Variants in CSMD3 observed in about 807,000 individuals in gnomAD.
CSMD3 encodes the protein CUB and Sushi multiple domains 3, also known as CUB and sushi domain-containing protein 3.
Under a neutral mutation model 435.2 loss-of-function variants are expected in CSMD3, and 177 were observed. That is an observed-to-expected ratio of 0.41 (90% CI 0.36 to 0.46). The LOEUF (loss-of-function observed/expected upper bound fraction) is 0.46. Among genes scored for constraint, CSMD3 ranks in the 20% least tolerant of loss-of-function variants. The pLI is 0.34. For synonymous variants in CSMD3, 1,656 were observed against 1,520.5 expected (o/e 1.09, Z -2.07); for missense variants, 4,265 against 4,504.6 (o/e 0.95, Z 1.52).
At chr8:112,751,249 T>C (rs1026371865) in intron 13 of CSMD3, among the ~76,000 whole-genome samples, 1 of 152,094 alleles carries the variant, frequency 6.6e-6, no homozygotes, top group African/African-American at 2.4e-5. Context: ...AACAGACTAA[T>C]ACAGTTCCCA....
At chr8:112,838,744 C>G (rs1169277487) in intron 11 of CSMD3, among the ~76,000 whole-genome samples, 4 of 151,568 alleles carry the variant, frequency 2.6e-5, no homozygotes, top group African/African-American at 9.7e-5. Flanking sequence ...AACTTGGCTG[C>G]TTTTGTGGTA....
chr8:113,432,670 A>G (rs368716303), intron 1 of CSMD3, among the ~76,000 whole-genome samples: 8 of 152,124 alleles, frequency 5.3e-5, no homozygotes, highest in African/African-American at 1.7e-4. Flanking sequence ...TGTTTCCCCA[A>G]TGTGCTTTCC....
chr8:112,269,554 T>A (rs551221099), intron 59 of CSMD3, among the ~76,000 whole-genome samples: 1 of 152,282 alleles, frequency 6.6e-6, no homozygotes, highest in African/African-American at 2.4e-5. Context: ...ACTGTTTGTG[T>A]CTTCTTCCCA....
chr8:113,163,824 T>C (rs1424935731), intron 4 of CSMD3, among the ~76,000 whole-genome samples: 1 of 152,064 alleles, frequency 6.6e-6, no homozygotes, highest in Non-Finnish European at 1.5e-5. Flanking sequence ...AATTCTCCAA[T>C]GCAGTTCTCC....
At chr8:113,282,194 C>T (rs187505228) in intron 2 of CSMD3, among the ~76,000 whole-genome samples, 65 of 152,118 alleles carry the variant, frequency 4.3e-4, no homozygotes, top group African/African-American at 1.5e-3. Context: ...CTCACCACTC[C>T]TCTTCAACAT....
Position 112,642,472 on chromosome 8 carries a change from G to T in CSMD3, c.3310+2637C>A, listed in dbSNP as rs187404521. ...CAAACACCTTGACTTAATGTTTAAT[G>T]GTGAAGAGATTACAGATGGTACATA... On this transcript the variant is annotated intron_variant, in intron 20 of 70. Transcript: ENST00000297405. Among the ~76,000 whole-genome samples, 78 of 152,068 alleles carry T rather than the reference G, an allele frequency of 5.1e-4. 1 individual carries two copies. The highest frequency in any genetic ancestry group is 6.8e-3 in the Middle Eastern group (2 of 292).
chr8:113,251,247 GGAGAAACAGA>G (rs1318676287), intron 3 of CSMD3, among the ~76,000 whole-genome samples: 3 of 151,938 alleles, frequency 2.0e-5, no homozygotes, highest in African/African-American at 7.2e-5. Context: ...TCATGATAAT[GGAGAAACAGA>G]GAGAAACAGT....
intron 22 of CSMD3, among the ~76,000 whole-genome samples, chr8:112,601,060 A>G (rs1832312040): frequency 1.3e-5 from 2 of 152,128 alleles, no homozygotes; most frequent in South Asian, 4.1e-4. Context: ...TAAGAAAAAG[A>G]GAGATTCATT....
intron 27 of CSMD3, among the ~76,000 whole-genome samples, chr8:112,533,495 G>A (rs1825740634): frequency 6.6e-6 from 1 of 152,014 alleles, no homozygotes; most frequent in South Asian, 2.1e-4. Context: ...TAGATGGCAA[G>A]TCAAAAAACT....
chr8:112,537,033 G>C (rs1242646101), intron 27 of CSMD3, among the ~76,000 whole-genome samples: 1 of 151,924 alleles, frequency 6.6e-6, no homozygotes, highest in Non-Finnish European at 1.5e-5. Flanking sequence ...GTAGGGGGAA[G>C]GGGGAGGGAT....
rs549888866 is a variant in CSMD3, at chr8:112,321,219, G to A, written c.7166-1238C>T. Among the ~76,000 whole-genome samples, 12 of 152,070 alleles carry A rather than the reference G, an allele frequency of 7.9e-5. No individual in the cohort carries two copies. In the South Asian group the frequency reaches 2.1e-3, roughly 26 times the overall value. On this transcript the variant is annotated intron_variant, in intron 45 of 70. Transcript: ENST00000297405. ...CTTAGAAGTTCTTTATGTACTCAAC[G>A]TGCTGATAAAGAGAATGAGACTCAA... is the stretch of plus-strand genomic sequence containing the variant.
chr8:113,314,672 T>G lies in CSMD3; in HGVS notation c.300A>C (p.Arg100=), dbSNP rs1002951683. The change falls in exon 2 of 71, where the codon CGA becomes CGC. Residue 100 remains arginine, a synonymous_variant. Transcript: ENST00000297405. ...NCTWVIIAEE[R]NRIQIVFQSF... is the part of the protein sequence containing the mutation. The stretch of plus-strand genomic sequence containing the variant: ...ACTGAAAAACAATTTGTATTCTATT[T>G]CGTTCTTCTGCTATTATTACCCATG... 6.2e-7 allele frequency: 1 copy of G among 1,611,560 alleles called. No individual in the cohort carries two copies. The highest frequency in any genetic ancestry group is 8.5e-7 in the Non-Finnish European group (1 of 1,177,884).
In CSMD3 at chr8:112,847,858, G is replaced by A. The variant is rs542955443; in HGVS notation, c.1755+11287C>T. On this transcript the variant is annotated intron_variant, in intron 11 of 70. Transcript: ENST00000297405. ...GTATTCTGATGCCTGAAGACTTTAT[G>A]GGGAGGAAGATTAAGATTGTATTTA... Among the ~76,000 whole-genome samples the A allele has an allele frequency of 1.7e-3, 260 of 152,228 alleles. 5 individuals carry two copies. In the Middle Eastern group the frequency reaches 0.041, roughly 24 times the overall value.
chr8:112,266,660 T>C (rs1485009700), intron 59 of CSMD3, among the ~76,000 whole-genome samples: 2 of 152,236 alleles, frequency 1.3e-5, no homozygotes, highest in Non-Finnish European at 2.9e-5. Flanking sequence ...CGTTTCTTTA[T>C]AATGCCAGCC....
chr8:112,337,924 T>A (rs1455006773), intron 42 of CSMD3, among the ~76,000 whole-genome samples, 193 bp from the exon 43 acceptor site: 1 of 152,186 alleles, frequency 6.6e-6, no homozygotes, highest in African/African-American at 2.4e-5. Flanking sequence ...ACAATTTTCA[T>A]ATTTAAAATG....
At chr8:112,921,495 C>A (rs1421316722) in intron 10 of CSMD3, 132 bp downstream of exon 10, 19 of 806,226 alleles carry the variant, frequency 2.4e-5, no homozygotes, top group Non-Finnish European at 3.7e-5. Flanking sequence ...CTATAAATAT[C>A]AATAAATATA....
chr8:113,172,421 T>G (rs1284444387), intron 4 of CSMD3, among the ~76,000 whole-genome samples: 2 of 152,168 alleles, frequency 1.3e-5, no homozygotes, highest in Non-Finnish European at 2.9e-5. Context: ...GCAGTAATGA[T>G]AGCGGTAATT....
intron 5 of CSMD3, among the ~76,000 whole-genome samples, chr8:113,022,337 G>T (rs2131188720): frequency 6.6e-6 from 1 of 151,938 alleles, no homozygotes; most frequent in African/African-American, 2.4e-5. Context: ...CTTTTAATAA[G>T]AAATAGATTG....
At chr8:112,454,293 TAAAC>T (rs764995420) in intron 32 of CSMD3, among the ~76,000 whole-genome samples, 12 of 151,286 alleles carry the variant, frequency 7.9e-5, no homozygotes, top group East Asian at 5.9e-4. Flanking sequence ...AAACAGACAA[TAAAC>T]AAACAAACAA....
Sources: allele counts gnomAD v4.1 joint callset (sites outside exome capture counted in the v4.1 genomes callset), GRCh38; gene constraint gnomAD v4.1.1; transcripts MANE v1.5; gene names NCBI Gene and HGNC (gene_info 2026-07-23, HGNC 2026-07-21).